The following ZNF626 variants were observed in gnomAD, a reference collection of about 807,000 sequenced individuals.
ZNF626 encodes the protein zinc finger protein 626.
In ZNF626, 4 loss-of-function variants were observed where a neutral mutation model predicts 11.7. The observed-to-expected ratio is 0.34, with a 90% CI of 0.17 to 0.78. ZNF626 has a LOEUF of 0.78. Among genes scored for constraint, ZNF626 ranks in the 30% least tolerant of loss-of-function variants. ZNF626 has a pLI of 0.57. For synonymous variants in ZNF626, 179 were observed against 198.6 expected (o/e 0.90, Z 0.83); for missense variants, 588 against 587.1 (o/e 1.00, Z -0.01).
chr19:20,639,607 C>T (rs1473392542), intron 3 of ZNF626, among the ~76,000 whole-genome samples: 2 of 152,124 alleles, frequency 1.3e-5, no homozygotes, highest in Non-Finnish European at 2.9e-5. Flanking sequence ...ACATCTAGTG[C>T]GTATCTGTAG....
intron 1 of ZNF626, among the ~76,000 whole-genome samples, chr19:20,656,151 A>G (rs1235217496): frequency 1.3e-5 from 2 of 152,144 alleles, no homozygotes; most frequent in African/African-American, 4.8e-5. Flanking sequence ...TCCTACACTC[A>G]TCAGATTTTT....
chr19:20,631,148 A>G (rs1299254546), intron 3 of ZNF626, among the ~76,000 whole-genome samples: 2 of 152,062 alleles, frequency 1.3e-5, no homozygotes, highest in Non-Finnish European at 2.9e-5. Context: ...ACAGTTTGTT[A>G]TAATTTCTGT....
chr19:20,642,445 A>G (rs1441388220), intron 3 of ZNF626, among the ~76,000 whole-genome samples: 4 of 152,120 alleles, frequency 2.6e-5, no homozygotes, highest in African/African-American at 7.2e-5. Context: ...TAATAATGCA[A>G]GAATTGGCCG....
chr19:20,651,023 C>T (rs1408723888), intron 1 of ZNF626, among the ~76,000 whole-genome samples: 1 of 151,856 alleles, frequency 6.6e-6, no homozygotes, highest in African/African-American at 2.4e-5. Context: ...CCCGTCTCTA[C>T]TAAAATTACA....
intron 3 of ZNF626, among the ~76,000 whole-genome samples, chr19:20,633,197 T>G (rs555821837): frequency 6.6e-6 from 1 of 152,284 alleles, no homozygotes; most frequent in Admixed American, 6.5e-5. Flanking sequence ...CCACCCCTAC[T>G]GGGGGGTGCC....
rs535791950 is a variant in ZNF626, at chr19:20,624,171, T to C, written c.*119A>G. 9.1e-6 allele frequency: 14 copies of C among 1,537,280 alleles called. No homozygotes were observed. In the African/African-American group the frequency reaches 1.8e-4, roughly 19 times the overall value. On this transcript the variant is annotated 3_prime_UTR_variant, in exon 4 of 4. Coordinates refer to ENST00000601440, the MANE Select transcript of ZNF626 (RefSeq NM_001076675.3). ...AGGAGTGCTTAAAGGCTTTGCCACATTCTTCACATCTGTAGGGTTTTTTTC... is the reference window on the plus strand; with the variant it reads ...AGGAGTGCTTAAAGGCTTTGCCACACTCTTCACATCTGTAGGGTTTTTTTC...
chr19:20,635,580 G>A (rs1401027826), intron 3 of ZNF626, among the ~76,000 whole-genome samples: 1 of 152,106 alleles, frequency 6.6e-6, no homozygotes, highest in Non-Finnish European at 1.5e-5. Flanking sequence ...CTCGGCCTTT[G>A]AAAGTGACGG....
intron 1 of ZNF626, among the ~76,000 whole-genome samples, chr19:20,658,846 C>T (rs555975752): frequency 6.6e-6 from 1 of 152,282 alleles, no homozygotes; most frequent in African/African-American, 2.4e-5. Flanking sequence ...CCCATCTATG[C>T]TTCTGAGCTA....
At chr19:20,660,609 G>C (rs1307035544) in intron 1 of ZNF626, among the ~76,000 whole-genome samples, 1 of 152,084 alleles carries the variant, frequency 6.6e-6, no homozygotes, top group Non-Finnish European at 1.5e-5. Flanking sequence ...ATTTTTAGTA[G>C]AGACGGGTTT....
intron 3 of ZNF626, among the ~76,000 whole-genome samples, chr19:20,637,258 G>C (rs553542891): frequency 2.0e-5 from 3 of 152,106 alleles, no homozygotes; most frequent in East Asian, 1.9e-4. Flanking sequence ...GAAGGCCAAG[G>C]GGGGAATCAC....
At chr19:20,627,666 A>T (rs1211800034) in intron 3 of ZNF626, among the ~76,000 whole-genome samples, 3 of 152,142 alleles carry the variant, frequency 2.0e-5, no homozygotes, top group Non-Finnish European at 4.4e-5. Context: ...TTATTAAAAA[A>T]TTTTAAAAAT....
Position 20,624,952 on chromosome 19 carries a change from C to T in ZNF626, c.925G>A (p.Gly309Arg). 6.2e-7 allele frequency: 1 copy of T among 1,613,780 alleles called. No homozygotes were observed. The highest frequency in any genetic ancestry group is 1.1e-5 in the South Asian group (1 of 91,068). ...TLTTHKIIHT[G>R]EKPYKCEECD... ...TCTTCACATTTGTAGGGTTTTTCTC[C>T]AGTATGAATTATCTTATGTGTAGTA... The change falls in exon 4 of 4, where the codon GGA (glycine) becomes AGA (arginine). Residue 309 changes from glycine to arginine, a missense_variant. Around this residue, in one of 4 missense-constraint regions of ZNF626, gnomAD observed 524 missense variants for 470.1 expected, o/e 1.11. Transcript: ENST00000601440.
chr19:20,659,495 C>G (rs1457194747), intron 1 of ZNF626, among the ~76,000 whole-genome samples: 3 of 152,164 alleles, frequency 2.0e-5, no homozygotes, highest in Admixed American at 6.5e-5. Context: ...TCCGCCTAGG[C>G]CTCCCAAACT....
chr19:20,633,763 C>T (rs2144772589), intron 3 of ZNF626, among the ~76,000 whole-genome samples: 1 of 152,326 alleles, frequency 6.6e-6, no homozygotes, highest in Middle Eastern at 3.4e-3. Flanking sequence ...CCTCGCCCTG[C>T]TTTGGCTCGT....
At chr19:20,642,113 G>C (rs1352932851) in intron 3 of ZNF626, among the ~76,000 whole-genome samples, 3 of 152,096 alleles carry the variant, frequency 2.0e-5, no homozygotes, top group African/African-American at 7.2e-5. Flanking sequence ...AAGAATATAA[G>C]ATAAGCCATA....
At chr19:20,634,376 A>G (rs1319858768) in intron 3 of ZNF626, among the ~76,000 whole-genome samples, 1 of 152,220 alleles carries the variant, frequency 6.6e-6, no homozygotes. Flanking sequence ...ACCTCATACA[A>G]CTTTCTTCTT....
intron 3 of ZNF626, among the ~76,000 whole-genome samples, chr19:20,643,576 TATAG>T (rs1396456454): frequency 6.6e-6 from 1 of 151,996 alleles, no homozygotes; most frequent in Non-Finnish European, 1.5e-5. Flanking sequence ...TGAAATAGAA[TATAG>T]AAAGAAAAAA....
chr19:20,644,677 GAAAT>G (rs1194332981), intron 3 of ZNF626: 1 of 151,946 alleles, frequency 6.6e-6, no homozygotes, highest in Non-Finnish European at 1.5e-5. Flanking sequence ...ATTAGTCAAA[GAAAT>G]AAATAAATCC....
chr19:20,630,420 TG>T (rs201469166), intron 3 of ZNF626, among the ~76,000 whole-genome samples: 15 of 151,470 alleles, frequency 9.9e-5, no homozygotes, highest in Admixed American at 2.0e-4. Flanking sequence ...GAACTTTTTT[TG>T]ATTGGTAAGC....
Sources: gnomAD v4.1 joint callset for allele counts (sites outside exome capture counted in the v4.1 genomes callset) on GRCh38, gnomAD v4.1.1 for gene constraint, gnomAD v4.1.1 regional missense constraint, MANE v1.5 for transcripts, NCBI Gene and HGNC (gene_info 2026-07-23, HGNC 2026-07-21) for gene names.